Variants in SENP7 observed in about 807,000 individuals in gnomAD.
SENP7 encodes the protein SUMO specific peptidase 7, also known as sentrin-specific protease 7.
Under a neutral mutation model 141.2 loss-of-function variants are expected in SENP7, and 64 were observed. The ratio of observed to expected loss-of-function variants is 0.45; its 90% CI spans 0.37 to 0.56. SENP7 has a LOEUF of 0.56. SENP7 is among the 20% of genes least tolerant of loss of function. The pLI is 0.00. For missense variants in SENP7, 1,025 were observed against 1,212.2 expected (o/e 0.85, Z 2.29); for synonymous variants, 382 against 426.4 (o/e 0.90, Z 1.28).
rs185588732 is a variant in SENP7 at position 101,414,215 on chromosome 3, G to A, written c.482+3378C>T. 745 of 568,256 alleles carry A rather than the reference G, an allele frequency of 1.3e-3. 3 individuals carry two copies. The highest frequency in any genetic ancestry group is 0.012 in the African/African-American group (594 of 50,690). The allele number at this position is 568,256 out of a possible 1,614,324, so 35.2% of individuals were successfully genotyped here. ...GCCGCACAGCATGGGGCAGTGTGGG[G>A]TCACCATAACAGCTACAGCAGCTGC... On this transcript the variant is annotated intron_variant, in intron 5 of 23. Coordinates refer to ENST00000394095, the MANE Select transcript of SENP7 (RefSeq NM_020654.5).
chr3:101,394,729 C>T (rs1576209630), intron 6 of SENP7, among the ~76,000 whole-genome samples: 2 of 151,874 alleles, frequency 1.3e-5, no homozygotes, highest in African/African-American at 4.8e-5. Context: ...CTCCATACTG[C>T]TTTCCATAAT....
At chr3:101,469,166 T>C (rs1044755826) in intron 3 of SENP7, among the ~76,000 whole-genome samples, 2 of 151,986 alleles carry the variant, frequency 1.3e-5, no homozygotes, top group African/African-American at 4.8e-5. Flanking sequence ...GAGCTAACTA[T>C]CCTAAATATA....
At chr3:101,361,992 C>A in intron 10 of SENP7, 131 bp from the exon 11 acceptor site, 1 of 982,024 alleles carries the variant, frequency 1.0e-6, no homozygotes, top group Non-Finnish European at 1.4e-6. Context: ...ACTGTTCTTA[C>A]TGTGAAGAAA....
intron 6 of SENP7, among the ~76,000 whole-genome samples, chr3:101,395,835 T>C (rs2107564858): frequency 6.6e-6 from 1 of 152,346 alleles, no homozygotes; most frequent in East Asian, 1.9e-4. Flanking sequence ...TAACATCAAC[T>C]ATAGTAATAT....
In SENP7 at chr3:101,443,771, T is replaced by C. The variant is rs1179404462; in HGVS notation, c.284+15184A>G. On this transcript the variant is annotated intron_variant, in intron 4 of 23. Coordinates refer to ENST00000394095, the MANE Select transcript of SENP7 (RefSeq NM_020654.5). ...CTGTTTGTCTGTTGATTTTTGTACA[T>C]TGTGATTTTTGTACATTGACTTTGT... Among the ~76,000 whole-genome samples, 5 of 61,426 alleles carry C rather than the reference T, an allele frequency of 8.1e-5. 2 individuals carry two copies. Among genetic ancestry groups the C allele is most frequent in the Non-Finnish European group, 1.5e-4 (5 of 32,972 alleles). The allele number at this position is 61,426 out of a possible 152,430, so 40.3% of individuals were successfully genotyped here. A position where few individuals can be genotyped will look rare whatever the true frequency, so the allele number is the denominator to read the frequency against.
intron 19 of SENP7, among the ~76,000 whole-genome samples, chr3:101,331,452 C>T (rs1407996700): frequency 1.4e-5 from 2 of 138,384 alleles, no homozygotes; most frequent in African/African-American, 5.4e-5. Context: ...CACTGCACTA[C>T]ACCAAGACAA....
At chr3:101,360,464 T>C (rs2059865635) in intron 11 of SENP7, among the ~76,000 whole-genome samples, 2 of 152,260 alleles carry the variant, frequency 1.3e-5, no homozygotes, top group Admixed American at 6.5e-5. Flanking sequence ...TGTCTGTCTC[T>C]TCCATTAGAT....
At chr3:101,342,132 G>A (rs933345812) in intron 14 of SENP7, among the ~76,000 whole-genome samples, 4 of 151,986 alleles carry the variant, frequency 2.6e-5, no homozygotes, top group African/African-American at 7.3e-5. Context: ...CCACTAAATG[G>A]AAAATATATA....
intron 6 of SENP7, among the ~76,000 whole-genome samples, chr3:101,383,065 G>A (rs1338499048): frequency 6.6e-6 from 1 of 152,154 alleles, no homozygotes; most frequent in Non-Finnish European, 1.5e-5. Flanking sequence ...TTGGATAATT[G>A]TCCCTGACCA....
intron 5 of SENP7, among the ~76,000 whole-genome samples, chr3:101,403,565 T>C (rs1389447864): frequency 6.6e-6 from 1 of 152,214 alleles, no homozygotes; most frequent in Admixed American, 6.5e-5. Context: ...TGCCAAAGGA[T>C]TCCAGATAAC....
At chr3:101,511,947 G>A (rs1377383615) in intron 1 of SENP7, among the ~76,000 whole-genome samples, 1 of 152,162 alleles carries the variant, frequency 6.6e-6, no homozygotes, top group Non-Finnish European at 1.5e-5. Flanking sequence ...AGCCTCCTGA[G>A]TAGCTGGGAC....
At chr3:101,453,722 G>T (rs928491113) in intron 4 of SENP7, among the ~76,000 whole-genome samples, 6 of 152,068 alleles carry the variant, frequency 3.9e-5, no homozygotes, top group Non-Finnish European at 8.8e-5. Context: ...GTTGTGGGGT[G>T]GGGGCAGGGG....
intron 5 of SENP7, among the ~76,000 whole-genome samples, chr3:101,399,358 C>T (rs1576224976): frequency 6.6e-6 from 1 of 152,176 alleles, no homozygotes; most frequent in South Asian, 2.1e-4. Context: ...TCTAAAAATG[C>T]TTTCTTTCCT....
intron 5 of SENP7, among the ~76,000 whole-genome samples, chr3:101,415,158 A>G (rs200109977): frequency 0.14 from 16,635 of 120,410 alleles, no homozygotes; most frequent in East Asian, 0.17. Flanking sequence ...TGTGTAATTT[A>G]TACAAGGGCA....
At chr3:101,456,264 G>A (rs1386701127) in intron 4 of SENP7, among the ~76,000 whole-genome samples, 4 of 152,116 alleles carry the variant, frequency 2.6e-5, no homozygotes, top group Non-Finnish European at 5.9e-5. Context: ...AAAATTGGCT[G>A]AGTAAACTAT....
rs375328297 is a variant in SENP7 at position 101,345,208 on chromosome 3, C to T, written c.1838-1254G>A. ...GGCTATGTGAGCTCTTTTTTGGTTC[C>T]ATATGAATTTTAGGATTGTTTTTTC... is the stretch of plus-strand genomic sequence containing the variant. On this transcript the variant is annotated intron_variant, in intron 13 of 23. Coordinates refer to ENST00000394095, the MANE Select transcript of SENP7 (RefSeq NM_020654.5). Among the ~76,000 whole-genome samples the T allele has an allele frequency of 6.1e-4, 87 of 141,916 alleles. 1 individual carries two copies. In the East Asian group the frequency reaches 0.015, roughly 25 times the overall value. The allele number at this position is 141,916 out of a possible 152,430, so 93.1% of individuals were successfully genotyped here.
intron 4 of SENP7, among the ~76,000 whole-genome samples, chr3:101,450,870 G>C (rs532188466): frequency 7.1e-4 from 108 of 152,138 alleles, no homozygotes; most frequent in African/African-American, 2.3e-3. Context: ...GATCAGGGCA[G>C]AACTGAAGGA....
chr3:101,472,432 G>A (rs867657447), intron 3 of SENP7, among the ~76,000 whole-genome samples: 5 of 152,064 alleles, frequency 3.3e-5, no homozygotes, highest in East Asian at 1.9e-4. Flanking sequence ...GTTCTCACTC[G>A]TAGGTGGGAA....
At chr3:101,462,015 A>G (rs952733173) in intron 3 of SENP7, among the ~76,000 whole-genome samples, 7 of 152,218 alleles carry the variant, frequency 4.6e-5, no homozygotes, top group Non-Finnish European at 1.0e-4. Flanking sequence ...AAGTTGGCAG[A>G]ATAGAGAGAT....
Sources: gnomAD v4.1 joint callset for allele counts (sites outside exome capture counted in the v4.1 genomes callset) on GRCh38, gnomAD v4.1.1 for gene constraint, MANE v1.5 for transcripts, NCBI Gene and HGNC (gene_info 2026-07-23, HGNC 2026-07-21) for gene names.